The following LOC400499 variants were observed in gnomAD, a reference collection of about 807,000 sequenced individuals.
At chr16:11,425,510 T>C in the LOC400499 span, 1 of 398,570 alleles carries the variant, frequency 2.5e-6, no homozygotes, top group Non-Finnish European at 4.4e-6. Context: ...GGGAAAAGAA[T>C]TTGGGGGTAA....
At chr16:11,387,284 A>G in the LOC400499 span, 2 of 1,232,152 alleles carry the variant, frequency 1.6e-6, no homozygotes, top group Non-Finnish European at 2.0e-6. Flanking sequence ...CATCACCACC[A>G]CTGAGCGGTT....
At chr16:11,381,214 C>T in the LOC400499 span, 1 of 152,292 alleles carries the variant, frequency 6.6e-6, no homozygotes. Flanking sequence ...GTATTGCAAA[C>T]ATTTTTCATG....
the LOC400499 span, chr16:11,446,868 C>T: frequency 6.5e-7 from 1 of 1,535,920 alleles, no homozygotes; most frequent in Non-Finnish European, 8.7e-7. Context: ...TGAAGGTCTC[C>T]TGCAGGAGGA....
At chr16:11,430,885 A>T in the LOC400499 span, among the ~76,000 whole-genome samples, 2 of 152,214 alleles carry the variant, frequency 1.3e-5, no homozygotes, top group African/African-American at 4.8e-5. Flanking sequence ...CACAAAGGGA[A>T]ATCATCCATA....
chr16:11,472,167 C>T, the LOC400499 span: 1 of 203,220 alleles, frequency 4.9e-6, no homozygotes, highest in Non-Finnish European at 9.8e-6. Context: ...AAAACTGCCC[C>T]AGCTGAGAAC....
the LOC400499 span, among the ~76,000 whole-genome samples, chr16:11,398,978 C>A: frequency 2.0e-5 from 3 of 152,166 alleles, 1 homozygote; most frequent in East Asian, 5.8e-4. Context: ...ACTTAGGGGG[C>A]CATGCCTAAG....
chr16:11,436,370 T>C, the LOC400499 span, among the ~76,000 whole-genome samples: 1 of 151,890 alleles, frequency 6.6e-6, no homozygotes, highest in Non-Finnish European at 1.5e-5. Flanking sequence ...CAGGCTGGGG[T>C]GAACATGTAG....
the LOC400499 span, among the ~76,000 whole-genome samples, chr16:11,419,114 C>A: frequency 2.0e-5 from 3 of 150,878 alleles, no homozygotes; most frequent in South Asian, 2.1e-4. Context: ...TGCAGTGAGC[C>A]GAGATCACAC....
At chr16:11,516,310 G>A in the LOC400499 span, 30 of 399,434 alleles carry the variant, frequency 7.5e-5, no homozygotes, top group South Asian at 3.3e-3. Flanking sequence ...GGGTGGCACT[G>A]CAGGAGGGCG....
At chr16:11,423,412 G>A in the LOC400499 span, among the ~76,000 whole-genome samples, 339 of 152,350 alleles carry the variant, frequency 2.2e-3, 2 homozygotes, top group African/African-American at 7.5e-3. Context: ...ACTTGAGGGC[G>A]AAGCCACGGC....
At chr16:11,388,025 C>G in the LOC400499 span, among the ~76,000 whole-genome samples, 6 of 152,114 alleles carry the variant, frequency 3.9e-5, no homozygotes, top group African/African-American at 9.7e-5. Flanking sequence ...AGGGGGATGT[C>G]AGCTCACATG....
chr16:11,373,084 G>C, the LOC400499 span, among the ~76,000 whole-genome samples: 1 of 152,204 alleles, frequency 6.6e-6, no homozygotes, highest in African/African-American at 2.4e-5. Flanking sequence ...GCCAAGGGGA[G>C]GGCGGAACCT....
chr16:11,418,053 C>A, the LOC400499 span, among the ~76,000 whole-genome samples: 40 of 152,240 alleles, frequency 2.6e-4, no homozygotes, highest in African/African-American at 9.1e-4. Context: ...AGAGAAAACG[C>A]GGAGAAACCA....
At chr16:11,383,979 C>G in the LOC400499 span, 1 of 1,231,854 alleles carries the variant, frequency 8.1e-7, no homozygotes, top group Non-Finnish European at 1.0e-6. Context: ...CCTGCTGAGG[C>G]TTCTCAGTGG....
the LOC400499 span, among the ~76,000 whole-genome samples, chr16:11,375,799 G>T: frequency 4.3e-5 from 6 of 139,658 alleles, no homozygotes; most frequent in African/African-American, 1.6e-4. Flanking sequence ...GTGCAATCTC[G>T]GCTCACCGCA....
At chr16:11,376,548 C>CT in the LOC400499 span, among the ~76,000 whole-genome samples, 5 of 152,168 alleles carry the variant, frequency 3.3e-5, no homozygotes, top group African/African-American at 1.2e-4. Context: ...TTCCACTGGT[C>CT]TGTATGTATG....
At chr16:11,385,143 G>A in the LOC400499 span, 133 of 1,230,288 alleles carry the variant, frequency 1.1e-4, no homozygotes, top group African/African-American at 1.3e-3. Flanking sequence ...CCCCCCAGGC[G>A]ACCTGCCATG....
the LOC400499 span, among the ~76,000 whole-genome samples, chr16:11,463,609 T>C: frequency 6.6e-6 from 1 of 152,294 alleles, no homozygotes; most frequent in Non-Finnish European, 1.5e-5. Flanking sequence ...TGGATGCATG[T>C]ATATGAATGT....
chr16:11,433,508 G>A, the LOC400499 span, among the ~76,000 whole-genome samples: 800 of 152,264 alleles, frequency 5.3e-3, 10 homozygotes, highest in African/African-American at 0.019. Context: ...TTTGGTCTCT[G>A]TCCCTAATCC....
Sources: allele counts gnomAD v4.1 joint callset (sites outside exome capture counted in the v4.1 genomes callset), GRCh38; gene constraint gnomAD v4.1.1; transcripts MANE v1.5.